Variants in KREMEN1 observed in about 807,000 individuals in gnomAD.
The protein encoded by KREMEN1 is kringle containing transmembrane protein 1.
KREMEN1 carries 30 observed loss-of-function variants against 46.5 expected under a neutral mutation model. The observed-to-expected ratio is 0.65, with a 90% CI of 0.48 to 0.88. The LOEUF (loss-of-function observed/expected upper bound fraction) is 0.88. Ranked by LOEUF, KREMEN1 falls within the 40% of genes least tolerant of loss-of-function variation. The probability of loss-of-function intolerance (pLI) is 0.00; values close to 1 mark genes in which losing one functional copy is unlikely to be tolerated. For missense variants in KREMEN1, 533 were observed against 596.9 expected (o/e 0.89, Z 1.11); for synonymous variants, 214 against 230.6 (o/e 0.93, Z 0.65).
intron 3 of KREMEN1, 122 bp from the exon 4 acceptor site, chr22:29,121,235 T>G: frequency 8.9e-7 from 1 of 1,126,940 alleles, no homozygotes; most frequent in Non-Finnish European, 1.3e-6. Context: ...GCTTGTTGTT[T>G]ATTTGTACCT....
In KREMEN1 at chr22:29,144,699, C is replaced by G. The variant is rs1211692659; in HGVS notation, c.*2587C>G. 2.0e-6 allele frequency: 2 copies of G among 985,388 alleles called. No individual in the cohort carries two copies. Among genetic ancestry groups the G allele is most frequent in the Non-Finnish European group, 2.4e-6 (2 of 829,976 alleles). 61.0% of individuals were successfully genotyped at this position (985,388 alleles called of 1,614,324 possible). A position where few individuals can be genotyped will look rare whatever the true frequency, so the allele number is the denominator to read the frequency against. On this transcript the variant is annotated 3_prime_UTR_variant, in exon 9 of 9. Transcript: ENST00000400335. ...CACAAAGGGAATGTGGCACGTGGCC[C>G]CAGGAAGAGTTCACCCGGCCAGGGG...
intron 8 of KREMEN1, 43 bp from the exon 9 acceptor site, chr22:29,141,901 C>A: frequency 1.4e-6 from 2 of 1,464,638 alleles, no homozygotes; most frequent in Non-Finnish European, 9.2e-7. Context: ...AGGTTGTTTG[C>A]GTTGTTCTAA....
chr22:29,121,398 C>A lies in KREMEN1; in HGVS notation c.394C>A (p.Pro132Thr). The change falls in exon 4 of 9, where the codon CCT (proline) becomes ACT (threonine). Residue 132 changes from proline to threonine, a missense_variant. Physicochemically the swap from Pro to Thr is conservative, Grantham distance 38. Coordinates refer to ENST00000400335, the MANE Select transcript of KREMEN1 (RefSeq NM_001039570.3). ...LGCYKDHGNP[P>T]PLTGTSKTSN... ...CTGCTACAAGGATCATGGAAACCCA[C>A]CTCCTCTAACTGGCACCAGTAAAAC... 1 of 1,614,026 alleles carries A rather than the reference C, an allele frequency of 6.2e-7. No individual in the cohort carries two copies. Among genetic ancestry groups the A allele is most frequent in the Non-Finnish European group, 8.5e-7 (1 of 1,179,980 alleles).
At chr22:29,138,575 T>C (rs1355332728) in intron 6 of KREMEN1, 49 bp from the exon 7 acceptor site, 1 of 1,557,106 alleles carries the variant, frequency 6.4e-7, no homozygotes, top group Admixed American at 1.7e-5. Flanking sequence ...GCACAACTCT[T>C]TGTTGTCTCC....
intron 3 of KREMEN1, among the ~76,000 whole-genome samples, chr22:29,102,606 G>A (rs17522296): frequency 0.017 from 2,532 of 152,156 alleles, 34 homozygotes; most frequent in Non-Finnish European, 0.027. Context: ...ATACAGTCTG[G>A]GCCAATAGGG....
chr22:29,145,328 G>T lies in KREMEN1; in HGVS notation c.*3216G>T. The T allele has an allele frequency of 1.0e-6, 1 of 985,606 alleles. No individual in the cohort carries two copies. 61.1% of individuals were successfully genotyped at this position (985,606 alleles called of 1,614,324 possible). ...ACCCATGGCAGAAGACTGCAGGAGA[G>T]GCAGGGGAGGGGCTTCGGGGACCAC... On this transcript the variant is annotated 3_prime_UTR_variant, in exon 9 of 9. Coordinates refer to ENST00000400335, the MANE Select transcript of KREMEN1 (RefSeq NM_001039570.3).
chr22:29,140,067 A>T (rs2038736660), intron 7 of KREMEN1, among the ~76,000 whole-genome samples: 1 of 152,158 alleles, frequency 6.6e-6, no homozygotes. Context: ...TCTCCCTGAG[A>T]GTGACTTGTA....
chr22:29,120,651 G>GAAGGAGGGAGAGGTGCTGAC (rs1556010274), intron 3 of KREMEN1, among the ~76,000 whole-genome samples: 6 of 151,866 alleles, frequency 4.0e-5, no homozygotes, highest in South Asian at 2.1e-4. Context: ...GGAAACAGAG[G>GAAGGAGGGAGAGGTGCTGAC]GTGAAATGGT....
chr22:29,125,082 C>T (rs975941228), intron 4 of KREMEN1, 181 bp from the exon 5 acceptor site: 4 of 641,978 alleles, frequency 6.2e-6, no homozygotes, highest in Non-Finnish European at 1.1e-5. Flanking sequence ...TTGGTGGTTG[C>T]GTACTTATTG....
chr22:29,101,256 A>G (rs1246569071), intron 3 of KREMEN1, among the ~76,000 whole-genome samples: 2 of 149,792 alleles, frequency 1.3e-5, no homozygotes, highest in Non-Finnish European at 3.0e-5. Flanking sequence ...TGTCTCCAAA[A>G]AAAAAAAAAA....
chr22:29,131,560 A>ATATATATATATATG (rs1240832937), intron 5 of KREMEN1, among the ~76,000 whole-genome samples: 2 of 69,968 alleles, frequency 2.9e-5, no homozygotes, highest in African/African-American at 1.7e-4. Flanking sequence ...ATATATATAT[A>ATATATATATATATG]TGTGTGTGTG....
chr22:29,074,806 C>T (rs1044133014), intron 1 of KREMEN1, among the ~76,000 whole-genome samples: 1 of 152,238 alleles, frequency 6.6e-6, no homozygotes, highest in Non-Finnish European at 1.5e-5. Context: ...GCCTTCAGCT[C>T]TCTGAGCCTC....
Position 29,145,030 on chromosome 22 carries a change from G to A in KREMEN1, c.*2918G>A, listed in dbSNP as rs1415339361. ...AGGACAGCGTACGGGCAGGAGGGCT[G>A]TAAATCATCCCAGGCTAAGCCTCCG... is the stretch of plus-strand genomic sequence containing the variant. On this transcript the variant is annotated 3_prime_UTR_variant, in exon 9 of 9. Coordinates refer to ENST00000400335, the MANE Select transcript of KREMEN1 (RefSeq NM_001039570.3). 2.2e-5 allele frequency: 22 copies of A among 985,410 alleles called. No homozygotes were observed. The highest frequency in any genetic ancestry group is 4.7e-5 in the South Asian group (1 of 21,294). 61.0% of individuals were successfully genotyped at this position (985,410 alleles called of 1,614,324 possible). A position where few individuals can be genotyped will look rare whatever the true frequency, so the allele number is the denominator to read the frequency against.
chr22:29,117,661 G>T (rs149169234), intron 3 of KREMEN1, among the ~76,000 whole-genome samples: 18 of 152,118 alleles, frequency 1.2e-4, no homozygotes, highest in Non-Finnish European at 1.9e-4. Flanking sequence ...GTGCTTCTGA[G>T]ACCAGGCCTC....
At chr22:29,093,327 T>A (rs923932687) in intron 1 of KREMEN1, among the ~76,000 whole-genome samples, 2 of 152,206 alleles carry the variant, frequency 1.3e-5, no homozygotes, top group Non-Finnish European at 2.9e-5. Context: ...GTTGTCAGTT[T>A]TCTAATGATA....
At chr22:29,151,773 G>A (rs954235968), downstream of KREMEN1, among the ~76,000 whole-genome samples, 1 of 152,084 alleles carries the variant, frequency 6.6e-6, no homozygotes, top group Non-Finnish European at 1.5e-5. Context: ...ACTTTGGGAG[G>A]CTGAGGTGGG....
chr22:29,101,252 C>CAAA (rs368843166), intron 3 of KREMEN1, among the ~76,000 whole-genome samples: 3,302 of 74,756 alleles, frequency 0.044, 69 homozygotes, highest in East Asian at 0.11. Flanking sequence ...AGTCTGTCTC[C>CAAA]AAAAAAAAAA....
chr22:29,085,102 T>C (rs929713025), intron 1 of KREMEN1, among the ~76,000 whole-genome samples: 1 of 152,250 alleles, frequency 6.6e-6, no homozygotes, highest in African/African-American at 2.4e-5. Context: ...ATTTTGATTT[T>C]AGATGGCTAA....
At chr22:29,117,723 G>A (rs948258397) in intron 3 of KREMEN1, among the ~76,000 whole-genome samples, 1 of 152,180 alleles carries the variant, frequency 6.6e-6, no homozygotes, top group African/African-American at 2.4e-5. Context: ...AACAAATGGA[G>A]AAAGGGAAAG....
Sources: gnomAD v4.1 joint callset for allele counts (sites outside exome capture counted in the v4.1 genomes callset) on GRCh38, gnomAD v4.1.1 for gene constraint, MANE v1.5 for transcripts, NCBI Gene and HGNC (gene_info 2026-07-23, HGNC 2026-07-21) for gene names.